MAML3: variants seen among roughly 807,000 people sequenced by gnomAD.
MAML3 encodes the protein mastermind-like protein 3.
A neutral mutation model predicts 101.9 loss-of-function variants in MAML3; 27 were observed. The observed-to-expected ratio is 0.27, with a 90% CI of 0.20 to 0.37. The LOEUF (loss-of-function observed/expected upper bound fraction) is 0.37. MAML3 is among the 10% of genes least tolerant of loss of function. MAML3 has a pLI of 1.00. For missense variants in MAML3, 1,316 were observed against 1,444.9 expected (o/e 0.91, Z 1.45); for synonymous variants, 501 against 555.9 (o/e 0.90, Z 1.39).
At chr4:139,841,153 A>G (rs1448073492) in intron 2 of MAML3, among the ~76,000 whole-genome samples, 1 of 152,214 alleles carries the variant, frequency 6.6e-6, no homozygotes, top group Admixed American at 6.5e-5. Context: ...GCAAAAGGAG[A>G]AAGACATAAA....
intron 1 of MAML3, among the ~76,000 whole-genome samples, chr4:140,040,974 A>T (rs1727076702): frequency 6.6e-6 from 1 of 151,992 alleles, no homozygotes; most frequent in South Asian, 2.1e-4. Flanking sequence ...TTGTCTCTGA[A>T]ATTGTCTATG....
Position 140,029,112 on chromosome 4 carries a change from C to T in MAML3, c.468+123748G>A, listed in dbSNP as rs547174004. 3.3e-5 allele frequency among the ~76,000 whole-genome samples: 5 copies of T among 152,310 alleles called. No homozygotes were observed. In the South Asian group the frequency reaches 8.3e-4, roughly 25 times the overall value. ...TAAATGGTCAGAGACTGCCCAGGTA[C>T]ACCTGCTCTCAGCCCAGGGGGACAG... On this transcript the variant is annotated intron_variant, in intron 1 of 4. Coordinates refer to ENST00000509479, the MANE Select transcript of MAML3 (RefSeq NM_018717.5).
chr4:139,766,073 T>C (rs935855510), intron 2 of MAML3, among the ~76,000 whole-genome samples: 1 of 152,024 alleles, frequency 6.6e-6, no homozygotes, highest in African/African-American at 2.4e-5. Context: ...GTGTATTTCT[T>C]CTTAGTTCCC....
At chr4:139,737,296 G>A (rs761220010) in intron 2 of MAML3, among the ~76,000 whole-genome samples, 17 of 151,838 alleles carry the variant, frequency 1.1e-4, no homozygotes, top group Non-Finnish European at 2.4e-4. Context: ...TCACCTGTAT[G>A]TTTAACTCAT....
At chr4:139,991,556 A>G (rs1734672825) in intron 1 of MAML3, among the ~76,000 whole-genome samples, 1 of 152,236 alleles carries the variant, frequency 6.6e-6, no homozygotes, top group African/African-American at 2.4e-5. Context: ...TGGTAATACT[A>G]ATATCATTTA....
Position 139,718,587 on chromosome 4 carries a change from C to G in MAML3, c.*736G>C, listed in dbSNP as rs576522266. 2 of 152,614 alleles carry G rather than the reference C, an allele frequency of 1.3e-5. No individual in the cohort carries two copies. Among genetic ancestry groups the G allele is most frequent in the East Asian group, 3.9e-4 (2 of 5,182 alleles). 9.5% of individuals were successfully genotyped at this position (152,614 alleles called of 1,614,324 possible). ...CCTGGAGGGACTGCCACCAGGGGCA[C>G]CAGCAGAGGGAAGCCGTCCCAGGAC... is the stretch of plus-strand genomic sequence containing the variant. On this transcript the variant is annotated 3_prime_UTR_variant, in exon 5 of 5. Transcript: ENST00000509479.
At position 139,848,560 on chromosome 4, in the gene MAML3, A is replaced by T. The variant is rs995198824; in HGVS notation, c.2079+40797T>A. Among the ~76,000 whole-genome samples the T allele has an allele frequency of 3.9e-5, 6 of 152,304 alleles. No individual in the cohort carries two copies. The East Asian group carries it at 1.2e-3, about 29-fold the overall frequency. On this transcript the variant is annotated intron_variant, in intron 2 of 4. Coordinates refer to ENST00000509479, the MANE Select transcript of MAML3 (RefSeq NM_018717.5). ...GAATTTTGGTGATTTTAATTTTCTTATTTTTGCCAATCTGTACAAATTATT... is the reference window on the plus strand; with the variant it reads ...GAATTTTGGTGATTTTAATTTTCTTTTTTTTGCCAATCTGTACAAATTATT...
chr4:139,908,164 A>C (rs1357580612), intron 1 of MAML3, among the ~76,000 whole-genome samples: 3 of 152,236 alleles, frequency 2.0e-5, no homozygotes, highest in Non-Finnish European at 4.4e-5. Flanking sequence ...AGAATTGTAT[A>C]ATCTGTCTAG....
intron 2 of MAML3, among the ~76,000 whole-genome samples, chr4:139,885,767 CAA>C (rs372757658): frequency 0.32 from 42,222 of 131,554 alleles, 7,533 homozygotes; most frequent in Non-Finnish European, 0.42. Flanking sequence ...ACTAAACATA[CAA>C]AAAAAAAAAA....
intron 1 of MAML3, among the ~76,000 whole-genome samples, chr4:140,135,382 A>G (rs1304929132): frequency 6.6e-6 from 1 of 152,224 alleles, no homozygotes; most frequent in African/African-American, 2.4e-5. Context: ...CTCCTACAAG[A>G]AGTACTGAGC....
intron 2 of MAML3, among the ~76,000 whole-genome samples, chr4:139,775,037 G>A (rs1233669995): frequency 6.6e-6 from 1 of 152,090 alleles, no homozygotes; most frequent in Non-Finnish European, 1.5e-5. Context: ...GAATTACACG[G>A]GTCTGAGAAT....
At chr4:140,070,826 C>G (rs1228700541) in intron 1 of MAML3, among the ~76,000 whole-genome samples, 1 of 152,212 alleles carries the variant, frequency 6.6e-6, no homozygotes, top group Non-Finnish European at 1.5e-5. Flanking sequence ...CTTTTCCCCT[C>G]TCCCTTTGGT....
intron 2 of MAML3, among the ~76,000 whole-genome samples, chr4:139,874,173 G>A (rs1531070): frequency 0.3 from 45,040 of 152,000 alleles, 8,301 homozygotes; most frequent in Non-Finnish European, 0.41. Flanking sequence ...GAAACAATGA[G>A]GGTACTGTAA....
intron 2 of MAML3, among the ~76,000 whole-genome samples, chr4:139,753,968 G>T (rs1389490124): frequency 2.6e-5 from 4 of 152,188 alleles, no homozygotes; most frequent in Non-Finnish European, 4.4e-5. Context: ...AGGGGTAAGA[G>T]TTAATGAAAA....
chr4:140,072,003 G>A (rs1727665267), intron 1 of MAML3, among the ~76,000 whole-genome samples: 1 of 152,158 alleles, frequency 6.6e-6, no homozygotes, highest in African/African-American at 2.4e-5. Flanking sequence ...AGAACAGACA[G>A]CCTGTTGTGA....
At chr4:139,863,417 C>A (rs1346004757) in intron 2 of MAML3, among the ~76,000 whole-genome samples, 1 of 135,874 alleles carries the variant, frequency 7.4e-6, no homozygotes. Context: ...ATGGTGTGAT[C>A]TTGGCTCACG....
At chr4:139,800,397 C>T (rs1242525618) in intron 2 of MAML3, among the ~76,000 whole-genome samples, 2 of 152,186 alleles carry the variant, frequency 1.3e-5, no homozygotes, top group East Asian at 3.8e-4. Flanking sequence ...AGGACATAAA[C>T]TCCTGTGTAT....
At chr4:140,022,374 T>C (rs1726746733) in intron 1 of MAML3, among the ~76,000 whole-genome samples, 1 of 152,128 alleles carries the variant, frequency 6.6e-6, no homozygotes, top group African/African-American at 2.4e-5. Flanking sequence ...TATTTCTGTT[T>C]GGGGTAAAGT....
chr4:139,888,854 C>T (rs1336811319), intron 2 of MAML3, among the ~76,000 whole-genome samples: 1 of 152,174 alleles, frequency 6.6e-6, no homozygotes, highest in East Asian at 1.9e-4. Flanking sequence ...CTTTGAAAAT[C>T]CAGAAAGCTC....
Sources: allele counts gnomAD v4.1 joint callset (sites outside exome capture counted in the v4.1 genomes callset), GRCh38; gene constraint gnomAD v4.1.1; transcripts MANE v1.5; gene names NCBI Gene and HGNC (gene_info 2026-07-23, HGNC 2026-07-21).